Variants in CNTN5 observed in about 807,000 individuals in gnomAD.
The protein encoded by CNTN5 is contactin-5.
In CNTN5, 77 loss-of-function variants were observed where a neutral mutation model predicts 129.1. The observed-to-expected ratio is 0.60, with a 90% CI of 0.50 to 0.72. The LOEUF (loss-of-function observed/expected upper bound fraction) is 0.72. CNTN5 is among the 30% of genes least tolerant of loss of function. The pLI, the probability that CNTN5 is intolerant of heterozygous loss-of-function variation, is 0.00. For missense variants in CNTN5, 1,478 were observed against 1,328.8 expected (o/e 1.11, Z -1.75); for synonymous variants, 509 against 465.6 (o/e 1.09, Z -1.20).
intron 6 of CNTN5, among the ~76,000 whole-genome samples, chr11:99,870,567 A>G (rs547428781): frequency 1.3e-5 from 2 of 152,280 alleles, no homozygotes; most frequent in South Asian, 4.1e-4. Context: ...CCAAACTAAC[A>G]ATTTCAATTA....
intron 2 of CNTN5, among the ~76,000 whole-genome samples, chr11:99,336,021 T>C (rs1301749475): frequency 2.0e-5 from 3 of 151,810 alleles, no homozygotes; most frequent in Non-Finnish European, 2.9e-5. Flanking sequence ...TTCTTCAGCC[T>C]AACCTTATTC....
At chr11:99,491,507 A>G (rs146744351) in intron 2 of CNTN5, among the ~76,000 whole-genome samples, 8 of 152,282 alleles carry the variant, frequency 5.3e-5, no homozygotes, top group African/African-American at 1.9e-4. Context: ...GAGACACACA[A>G]ATTTCACAAG....
chr11:100,286,391 G>C (rs1274644786), intron 18 of CNTN5, among the ~76,000 whole-genome samples: 1 of 151,540 alleles, frequency 6.6e-6, no homozygotes. Context: ...GGTTCTCCCA[G>C]CACGCAGCTG....
chr11:99,995,463 T>C (rs1317266108), intron 8 of CNTN5, among the ~76,000 whole-genome samples: 1 of 152,140 alleles, frequency 6.6e-6, no homozygotes, highest in African/African-American at 2.4e-5. Context: ...AATAAATAGA[T>C]AAATATTAAA....
At chr11:100,210,235 C>T (rs963211831) in intron 15 of CNTN5, among the ~76,000 whole-genome samples, 1 of 150,314 alleles carries the variant, frequency 6.7e-6, no homozygotes. Context: ...ATCTGTAGTC[C>T]CAGCTACAAG....
intron 6 of CNTN5, among the ~76,000 whole-genome samples, chr11:99,865,518 A>T: frequency 6.6e-6 from 1 of 151,898 alleles, no homozygotes; most frequent in South Asian, 2.1e-4. Context: ...ATTGAAATGA[A>T]TATGTTATGA....
chr11:100,161,090 A>G (rs1947429898), intron 13 of CNTN5, among the ~76,000 whole-genome samples: 1 of 151,986 alleles, frequency 6.6e-6, no homozygotes, highest in Non-Finnish European at 1.5e-5. Context: ...TGTGTAAAGA[A>G]CACCAATTCT....
chr11:99,760,694 TTAAAG>T (rs767053562), intron 3 of CNTN5, among the ~76,000 whole-genome samples: 8 of 152,138 alleles, frequency 5.3e-5, no homozygotes, highest in Non-Finnish European at 1.0e-4. Flanking sequence ...ACTGACTCTC[TTAAAG>T]TAATATAATT....
intron 3 of CNTN5, among the ~76,000 whole-genome samples, chr11:99,624,057 T>G (rs1565360276): frequency 6.6e-6 from 1 of 152,158 alleles, no homozygotes. Context: ...AACAGGGAAA[T>G]TTGATGGTAA....
chr11:100,283,685 C>T lies in CNTN5; in HGVS notation c.2314+12444C>T, dbSNP rs559293229. ...TCCGGGCCGGGCGCTGTGGCTCACACCTGTAATCCCAGCACTTTGGGAGGC... is the reference window on the plus strand; with the variant it reads ...TCCGGGCCGGGCGCTGTGGCTCACATCTGTAATCCCAGCACTTTGGGAGGC... On this transcript the variant is annotated intron_variant, in intron 18 of 24. Coordinates refer to ENST00000524871, the MANE Select transcript of CNTN5 (RefSeq NM_014361.4). Among the ~76,000 whole-genome samples, 3 of 152,302 alleles carry T rather than the reference C, an allele frequency of 2.0e-5. No homozygotes were observed. The East Asian group carries it at 5.8e-4, about 29-fold the overall frequency.
chr11:99,138,854 T>G (rs1485351468), intron 1 of CNTN5, among the ~76,000 whole-genome samples: 1 of 152,148 alleles, frequency 6.6e-6, no homozygotes, highest in Non-Finnish European at 1.5e-5. Context: ...AAGCTAGCTC[T>G]CAGTCAAACT....
At chr11:99,974,831 C>G (rs539945592) in intron 8 of CNTN5, among the ~76,000 whole-genome samples, 1 of 151,986 alleles carries the variant, frequency 6.6e-6, no homozygotes, top group African/African-American at 2.4e-5. Flanking sequence ...TGTAGGTTTT[C>G]CTTCACAGTG....
At chr11:99,823,687 A>G (rs1033218403) in intron 4 of CNTN5, among the ~76,000 whole-genome samples, 1 of 151,922 alleles carries the variant, frequency 6.6e-6, no homozygotes, top group Non-Finnish European at 1.5e-5. Context: ...GTGACTATAT[A>G]TTAAGTTTAT....
At chr11:100,020,774 C>T (rs1176491698) in intron 9 of CNTN5, among the ~76,000 whole-genome samples, 4 of 151,992 alleles carry the variant, frequency 2.6e-5, no homozygotes, top group South Asian at 2.1e-4. Flanking sequence ...TGTTTCTGTA[C>T]ACTAACAACA....
At position 100,070,470 on chromosome 11, in the gene CNTN5, TG is replaced by T; in HGVS notation, c.1212del (p.Ser405AlafsTer20). ...EKLNDTQLDS[G>X]SPLRWECKAT... ...AACTGAATGATACTCAGTTAGACAG[TG>T]GGAGCCCTCTCCGATGGGAATGTAA... On this transcript the variant is annotated frameshift_variant, in exon 11 of 25. Transcript: ENST00000524871. LOFTEE classifies it high-confidence loss of function. 6.2e-7 allele frequency: 1 copy of T among 1,612,702 alleles called. No homozygotes were observed. Among genetic ancestry groups the T allele is most frequent in the Non-Finnish European group, 8.5e-7 (1 of 1,179,280 alleles).
chr11:99,252,181 G>A (rs1416544346), intron 1 of CNTN5, among the ~76,000 whole-genome samples: 4 of 151,588 alleles, frequency 2.6e-5, no homozygotes, highest in Admixed American at 2.0e-4. Flanking sequence ...TTTGTTTAGG[G>A]GCCATTCATG....
At chr11:100,166,612 A>T (rs1947646097) in intron 13 of CNTN5, among the ~76,000 whole-genome samples, 1 of 143,082 alleles carries the variant, frequency 7.0e-6, no homozygotes, top group East Asian at 1.9e-4. Context: ...TTTAAGAAGA[A>T]ATGTTATAAG....
intron 2 of CNTN5, among the ~76,000 whole-genome samples, chr11:99,491,709 T>C (rs1946043178): frequency 6.6e-6 from 1 of 152,196 alleles, no homozygotes; most frequent in Non-Finnish European, 1.5e-5. Context: ...GTTATCTAAC[T>C]ATTAGGCTGA....
At chr11:100,309,812 T>C in intron 21 of CNTN5, 1 of 437,814 alleles carries the variant, frequency 2.3e-6, no homozygotes, top group Non-Finnish European at 3.0e-6. Flanking sequence ...CTCCAACTGC[T>C]GTGAGTGTTG....
Sources: gnomAD v4.1 joint callset for allele counts (sites outside exome capture counted in the v4.1 genomes callset) on GRCh38, gnomAD v4.1.1 for gene constraint, MANE v1.5 for transcripts, NCBI Gene and HGNC (gene_info 2026-07-23, HGNC 2026-07-21) for gene names.